Variants in AGAP1 observed in about 807,000 individuals in gnomAD.
AGAP1 encodes the protein arf-GAP with GTPase, ANK repeat and PH domain-containing protein 1.
Under a neutral mutation model 105.3 loss-of-function variants are expected in AGAP1, and 29 were observed. The ratio of observed to expected loss-of-function variants is 0.28; its 90% confidence interval spans 0.21 to 0.38. The LOEUF (loss-of-function observed/expected upper bound fraction) is 0.38. AGAP1 is among the 10% of genes least tolerant of loss of function. The pLI is 1.00. For synonymous variants in AGAP1, 509 were observed against 485.9 expected (o/e 1.05, Z -0.63); for missense variants, 998 against 1,165.1 (o/e 0.86, Z 2.09).
At chr2:235,920,777 A>T (rs780805598) in intron 11 of AGAP1, among the ~76,000 whole-genome samples, 5 of 152,244 alleles carry the variant, frequency 3.3e-5, no homozygotes, top group Non-Finnish European at 7.3e-5. Context: ...CAAGATTAGC[A>T]ACATCACCAT....
chr2:235,772,231 A>G (rs553212653), intron 6 of AGAP1, among the ~76,000 whole-genome samples: 1 of 152,046 alleles, frequency 6.6e-6, no homozygotes, highest in Non-Finnish European at 1.5e-5. Flanking sequence ...ACCTCAGGTG[A>G]TCCGCCTGCG....
chr2:235,679,593 C>T (rs181057907), intron 1 of AGAP1, among the ~76,000 whole-genome samples: 15 of 152,222 alleles, frequency 9.9e-5, no homozygotes, highest in Admixed American at 4.6e-4. Flanking sequence ...GGAGGAGTAG[C>T]GATTACTTGG....
At position 236,108,778 on chromosome 2, in the gene AGAP1, C is replaced by G. The variant is rs113304796; in HGVS notation, c.2115-11414C>G. On this transcript the variant is annotated intron_variant, in intron 16 of 17. Transcript: ENST00000304032. ...ACCAAGAGACTGCTTTACAGCCCCC[C>G]AGAGCGCCCCAGCCCTGCCACACAC... Among the ~76,000 whole-genome samples the G allele has an allele frequency of 5.5e-3, 843 of 152,170 alleles. 6 individuals carry two copies. The highest frequency in any genetic ancestry group is 7.8e-3 in the Non-Finnish European group (528 of 68,000).
At position 235,691,928 on chromosome 2, in the gene AGAP1, G is replaced by A. The variant is rs990787584; in HGVS notation, c.164-17251G>A. 6.6e-6 allele frequency among the ~76,000 whole-genome samples: 1 copy of A among 152,204 alleles called. No individual in the cohort carries two copies. The highest frequency in any genetic ancestry group is 1.5e-5 in the Non-Finnish European group (1 of 68,042). Reference sequence around the variant, plus strand: ...CGGAGTTCCTAGTAGAAACAGACATGCAGCATATTGTGAAATGTTTCAGAG... The same window carrying A: ...CGGAGTTCCTAGTAGAAACAGACATACAGCATATTGTGAAATGTTTCAGAG... On this transcript the variant is annotated intron_variant, in intron 1 of 17. Coordinates refer to ENST00000304032, the MANE Select transcript of AGAP1 (RefSeq NM_001037131.3). This position sits in a 1 kb window ranked among gnomAD's most constrained non-coding sequence, Gnocchi z 4.4.
rs974642773 is a variant in AGAP1, at chr2:235,855,715, A to T, written c.1051-27630A>T. 2.0e-5 allele frequency among the ~76,000 whole-genome samples: 3 copies of T among 152,054 alleles called. No homozygotes were observed. The highest frequency in any genetic ancestry group is 4.4e-5 in the Non-Finnish European group (3 of 68,014). On this transcript the variant is annotated intron_variant, in intron 9 of 17. Coordinates refer to ENST00000304032, the MANE Select transcript of AGAP1 (RefSeq NM_001037131.3). The surrounding 1 kb of genome is among the most constrained non-coding windows in gnomAD (Gnocchi z 5.0). ...AGCTCCACTGAATTCAAGTCAGAGG[A>T]TATTTGTTTGAATTGGAGACTGGGT...
rs958251980 is a variant in AGAP1, at chr2:235,600,625, T to C, written c.163+105776T>C. 1.3e-5 allele frequency among the ~76,000 whole-genome samples: 2 copies of C among 152,208 alleles called. No individual in the cohort carries two copies. Among genetic ancestry groups the C allele is most frequent in the African/African-American group, 4.8e-5 (2 of 41,458 alleles). Reference sequence around the variant, plus strand: ...AGTCCCAGGCCGAAAGCTGAAGAACTTGGAGCCTGATGTTCGAGGGCAGGA... The same window carrying C: ...AGTCCCAGGCCGAAAGCTGAAGAACCTGGAGCCTGATGTTCGAGGGCAGGA... On this transcript the variant is annotated intron_variant, in intron 1 of 17. Coordinates refer to ENST00000304032, the MANE Select transcript of AGAP1 (RefSeq NM_001037131.3). The surrounding 1 kb of genome is among the most constrained non-coding windows in gnomAD (Gnocchi z 4.8).
In AGAP1 at chr2:236,090,377, G is replaced by A. The variant is rs1030995401; in HGVS notation, c.2115-29815G>A. The stretch of plus-strand genomic sequence containing the variant: ...ATTACTTCTCTCTGGTTTTTGAGAC[G>A]CACACTCAAGAGTCACAAATTAGAA... On this transcript the variant is annotated intron_variant, in intron 16 of 17. Transcript: ENST00000304032. The surrounding 1 kb of genome is among the most constrained non-coding windows in gnomAD (Gnocchi z 4.3). Among the ~76,000 whole-genome samples, 5 of 152,112 alleles carry A rather than the reference G, an allele frequency of 3.3e-5. No individual in the cohort carries two copies. The highest frequency in any genetic ancestry group is 7.2e-5 in the African/African-American group (3 of 41,428).
At chr2:235,923,403 C>G (rs2052282458) in intron 11 of AGAP1, among the ~76,000 whole-genome samples, 1 of 152,158 alleles carries the variant, frequency 6.6e-6, no homozygotes, top group African/African-American at 2.4e-5. Flanking sequence ...ACAACATACA[C>G]ATAAGACGCA....
intron 1 of AGAP1, among the ~76,000 whole-genome samples, chr2:235,531,717 C>T (rs1290989405): frequency 6.6e-6 from 1 of 151,642 alleles, no homozygotes; most frequent in African/African-American, 2.4e-5. Flanking sequence ...AAGCAATTCT[C>T]CCGTCTCAGC....
chr2:235,856,891 T>C (rs983141777), intron 9 of AGAP1, among the ~76,000 whole-genome samples: 11 of 152,246 alleles, frequency 7.2e-5, no homozygotes, highest in African/African-American at 2.7e-4. Context: ...GAGAGCACGC[T>C]TGGTTCCCAC....
At position 235,694,643 on chromosome 2, in the gene AGAP1, G is replaced by A. The variant is rs919703182; in HGVS notation, c.164-14536G>A. On this transcript the variant is annotated intron_variant, in intron 1 of 17. Coordinates refer to ENST00000304032, the MANE Select transcript of AGAP1 (RefSeq NM_001037131.3). ...AGCCTCTGCAATAGAACGAGACTCC[G>A]CCTCAGGGAGAAAAAAAAAAAGAAA... Among the ~76,000 whole-genome samples, 7 of 150,966 alleles carry A rather than the reference G, an allele frequency of 4.6e-5. No individual in the cohort carries two copies. In the South Asian group the frequency reaches 8.4e-4, roughly 18 times the overall value.
At chr2:235,674,556 T>C (rs559636239) in intron 1 of AGAP1, among the ~76,000 whole-genome samples, 5 of 152,346 alleles carry the variant, frequency 3.3e-5, no homozygotes, top group African/African-American at 4.8e-5. Flanking sequence ...AAGTGATTCA[T>C]TGATACCTCT....
rs2054141260 is a variant in AGAP1 at position 235,960,622 on chromosome 2, T to C, written c.1484-7840T>C. Among the ~76,000 whole-genome samples the C allele has an allele frequency of 6.6e-6, 1 of 152,126 alleles. No homozygotes were observed. The highest frequency in any genetic ancestry group is 2.4e-5 in the African/African-American group (1 of 41,432). On this transcript the variant is annotated intron_variant, in intron 12 of 17. Coordinates refer to ENST00000304032, the MANE Select transcript of AGAP1 (RefSeq NM_001037131.3). This position sits in a 1 kb window ranked among gnomAD's most constrained non-coding sequence, Gnocchi z 4.9. ...TTCCCCTCTTCCTTCTTTGTTCAGG[T>C]AGCAGGGCCCAAGAAAAATCGTCTT...
chr2:235,555,561 C>A lies in AGAP1; in HGVS notation c.163+60712C>A, dbSNP rs1416190797. On this transcript the variant is annotated intron_variant, in intron 1 of 17. Coordinates refer to ENST00000304032, the MANE Select transcript of AGAP1 (RefSeq NM_001037131.3). This position sits in a 1 kb window ranked among gnomAD's most constrained non-coding sequence, Gnocchi z 5.1. ...GTTCCCTCTGCCACCGCCAGCTGTCCTGCAGCAGGAAGAGGTAGTCATGTT... is the reference window on the plus strand; with the variant it reads ...GTTCCCTCTGCCACCGCCAGCTGTCATGCAGCAGGAAGAGGTAGTCATGTT... Among the ~76,000 whole-genome samples the A allele has an allele frequency of 1.3e-5, 2 of 152,230 alleles. No individual in the cohort carries two copies. Among genetic ancestry groups the A allele is most frequent in the African/African-American group, 4.8e-5 (2 of 41,472 alleles).
intron 13 of AGAP1, among the ~76,000 whole-genome samples, chr2:236,015,238 A>G (rs1244177146): frequency 6.6e-6 from 1 of 152,182 alleles, no homozygotes; most frequent in African/African-American, 2.4e-5. Context: ...AAGTGTTAGT[A>G]TCAGGTGTAA....
In AGAP1 at chr2:235,951,521, G is replaced by T. The variant is rs1478317146; in HGVS notation, c.1484-16941G>T. ...TCTTCTCGTTATTTTTGGAATGATT[G>T]CAGGGTTGGTTTAAGATTGCCATGA... On this transcript the variant is annotated intron_variant, in intron 12 of 17. Transcript: ENST00000304032. The surrounding 1 kb of genome is among the most constrained non-coding windows in gnomAD (Gnocchi z 4.2). 6.6e-6 allele frequency among the ~76,000 whole-genome samples: 1 copy of T among 152,132 alleles called. No individual in the cohort carries two copies. The highest frequency in any genetic ancestry group is 2.4e-5 in the African/African-American group (1 of 41,424).
Position 235,553,537 on chromosome 2 carries a change from A to G in AGAP1, c.163+58688A>G, listed in dbSNP as rs1943879777. Among the ~76,000 whole-genome samples, 1 of 152,148 alleles carries G rather than the reference A, an allele frequency of 6.6e-6. No individual in the cohort carries two copies. The highest frequency in any genetic ancestry group is 2.1e-4 in the South Asian group (1 of 4,818). On this transcript the variant is annotated intron_variant, in intron 1 of 17. Transcript: ENST00000304032. This position sits in a 1 kb window ranked among gnomAD's most constrained non-coding sequence, Gnocchi z 4.5. ...TGCTTCTGCTAGAATCATCATTGTC[A>G]ATATTAAGAAGGCGAGTCCACGCAT...
chr2:235,863,659 G>C (rs564390266), intron 9 of AGAP1, among the ~76,000 whole-genome samples: 9 of 152,208 alleles, frequency 5.9e-5, no homozygotes, highest in African/African-American at 1.7e-4. Context: ...CGAAGGCCCC[G>C]GTGGGGAGAG....
intron 1 of AGAP1, among the ~76,000 whole-genome samples, chr2:235,496,591 C>T (rs900831382): frequency 6.6e-6 from 1 of 152,190 alleles, no homozygotes; most frequent in Admixed American, 6.5e-5. Context: ...ATTGAAGGCA[C>T]CTGGCTGAGA....
Sources: allele counts gnomAD v4.1 joint callset (sites outside exome capture counted in the v4.1 genomes callset), GRCh38; gene constraint gnomAD v4.1.1; non-coding constraint Gnocchi (gnomAD v3.1); transcripts MANE v1.5; gene names NCBI Gene and HGNC (gene_info 2026-07-23, HGNC 2026-07-21).